Variants in NAALAD2 observed in about 807,000 individuals in gnomAD.
NAALAD2 encodes the protein N-acetylated alpha-linked acidic dipeptidase 2.
Under a neutral mutation model 95.6 loss-of-function variants are expected in NAALAD2, and 89 were observed. That is an observed-to-expected ratio of 0.93 (90% CI 0.78 to 1.11). The LOEUF (loss-of-function observed/expected upper bound fraction) is 1.11. Ranked by LOEUF, NAALAD2 falls within the 50% of genes least tolerant of loss-of-function variation. The probability of loss-of-function intolerance (pLI) is 0.00; values close to 1 mark genes in which losing one functional copy is unlikely to be tolerated. For synonymous variants in NAALAD2, 264 were observed against 294.4 expected (o/e 0.90, Z 1.06); for missense variants, 894 against 872.4 (o/e 1.02, Z -0.31).
chr11:90,177,023 TTAGA>T (rs1446777540), intron 15 of NAALAD2, among the ~76,000 whole-genome samples: 2 of 152,112 alleles, frequency 1.3e-5, no homozygotes, highest in Admixed American at 6.5e-5. Flanking sequence ...AAGCAGATAA[TTAGA>T]TAGAAGGAGA....
intron 18 of NAALAD2, among the ~76,000 whole-genome samples, chr11:90,191,340 C>CAT (rs1857319535): frequency 6.7e-6 from 1 of 150,096 alleles, no homozygotes; most frequent in Non-Finnish European, 1.5e-5. Flanking sequence ...GGGTTCGCAA[C>CAT]ATGGTATATG....
chr11:90,147,362 C>A lies in NAALAD2; in HGVS notation c.227C>A (p.Thr76Lys). ...SFTKLPHLAG[T>K]EQNFLLAKKI... ...ACAAAGCTTCCTCATCTGGCAGGAA[C>A]AGAACAAAATTTCTTGCTTGCCAAG... Residue 76 changes from threonine to lysine, a missense_variant, in exon 3 of 19, where the codon ACA (threonine) becomes AAA (lysine). Physicochemically the swap from Thr to Lys is moderately conservative, Grantham distance 78 (BLOSUM62 -1). Transcript: ENST00000534061. The A allele has an allele frequency of 6.2e-7, 1 of 1,613,818 alleles. No homozygotes were observed. Among genetic ancestry groups the A allele is most frequent in the Non-Finnish European group, 8.5e-7 (1 of 1,179,922 alleles).
chr11:90,157,577 TA>T (rs1952152709), intron 6 of NAALAD2, among the ~76,000 whole-genome samples: 1 of 152,218 alleles, frequency 6.6e-6, no homozygotes, highest in Non-Finnish European at 1.5e-5. Flanking sequence ...CTTGAGGAAA[TA>T]AAATATTCTT....
chr11:90,147,261 AG>A (rs1356699735), intron 2 of NAALAD2, 68 bp from the exon 3 acceptor site: 3 of 1,229,784 alleles, frequency 2.4e-6, no homozygotes, highest in Admixed American at 2.0e-5. Context: ...TAGTGCATTT[AG>A]AATAGTTCTT....
intron 2 of NAALAD2, among the ~76,000 whole-genome samples, chr11:90,137,803 T>C (rs192050173): frequency 6.6e-6 from 1 of 151,884 alleles, no homozygotes. Context: ...ATTTATTTTG[T>C]TGTTGTTGTT....
chr11:90,138,553 G>GT (rs1462761867), intron 2 of NAALAD2, among the ~76,000 whole-genome samples: 1 of 152,038 alleles, frequency 6.6e-6, no homozygotes, highest in African/African-American at 2.4e-5. Context: ...CTGCCAGATT[G>GT]TCTAATATCA....
Position 90,187,243 on chromosome 11 carries a change from C to G in NAALAD2, c.2033+4235C>G, listed in dbSNP as rs571021999. On this transcript the variant is annotated intron_variant, in intron 18 of 18. Transcript: ENST00000534061. ...TTGGTGGGACTGTAAACTAGTTCAA[C>G]CATTGTGGAAGTCAGTGTGGCGATT... 4.1e-3 allele frequency among the ~76,000 whole-genome samples: 630 copies of G among 151,918 alleles called. 3 individuals carry two copies. Among genetic ancestry groups the G allele is most frequent in the Non-Finnish European group, 7.2e-3 (492 of 67,954 alleles).
chr11:90,163,708 T>G (rs1372843630), intron 11 of NAALAD2, 91 bp downstream of exon 11: 3 of 1,142,094 alleles, frequency 2.6e-6, no homozygotes, highest in Non-Finnish European at 3.9e-6. Context: ...TATATTCCAT[T>G]ACCTAATATG....
intron 13 of NAALAD2, 36 bp downstream of exon 13, chr11:90,170,172 T>C (rs529276776): frequency 8.2e-7 from 1 of 1,215,312 alleles, no homozygotes; most frequent in Non-Finnish European, 1.2e-6. Context: ...TGTTCTCTTT[T>C]GAATGGATAA....
chr11:90,147,436 G>A lies in NAALAD2; in HGVS notation c.301G>A (p.Val101Ile), dbSNP rs11018879. ...KKFGLDSAKL[V>I]HYDVLLSYPN... Reference sequence around the variant, plus strand: ...ATTTGGACTAGATTCAGCCAAGTTGGTTCATTATGATGTCCTCTTATCTTA... The same window carrying A: ...ATTTGGACTAGATTCAGCCAAGTTGATTCATTATGATGTCCTCTTATCTTA... The change falls in exon 3 of 19, where the codon GTT becomes ATT. Residue 101 changes from valine to isoleucine, a missense_variant. Coordinates refer to ENST00000534061, the MANE Select transcript of NAALAD2 (RefSeq NM_005467.4). 0.038 allele frequency: 60,772 copies of A among 1,613,676 alleles called. 1,309 individuals are homozygous for A. Among genetic ancestry groups the A allele is most frequent in the Admixed American group, 0.055 (3,319 of 59,984 alleles).
chr11:90,182,121 G>C (rs1251033796), intron 17 of NAALAD2, among the ~76,000 whole-genome samples: 1 of 152,030 alleles, frequency 6.6e-6, no homozygotes, highest in African/African-American at 2.4e-5. Flanking sequence ...TATTTTACTA[G>C]TTCTTTGTTC....
At chr11:90,139,784 A>T (rs1951557941) in intron 2 of NAALAD2, among the ~76,000 whole-genome samples, 1 of 152,144 alleles carries the variant, frequency 6.6e-6, no homozygotes, top group Non-Finnish European at 1.5e-5. Context: ...CAAGAAAAAA[A>T]GGTAATTTGC....
intron 18 of NAALAD2, among the ~76,000 whole-genome samples, chr11:90,185,565 G>A (rs1265375847): frequency 6.6e-6 from 1 of 151,988 alleles, no homozygotes; most frequent in Non-Finnish European, 1.5e-5. Flanking sequence ...TACTTGGGAG[G>A]GTAAGGCAGG....
chr11:90,147,203 T>C (rs1466354966), intron 2 of NAALAD2, 127 bp from the exon 3 acceptor site: 7 of 712,254 alleles, frequency 9.8e-6, no homozygotes, highest in Middle Eastern at 3.9e-4. Context: ...TAGCTGTGTT[T>C]CTTTTATCTG....
chr11:90,150,611 C>A lies in NAALAD2; in HGVS notation c.609+4C>A. 1 of 1,578,644 alleles carries A rather than the reference C, an allele frequency of 6.3e-7. No homozygotes were observed. The highest frequency in any genetic ancestry group is 8.7e-7 in the Non-Finnish European group (1 of 1,151,900). ...AAAAATCTTCAGAGGAAATAAAGTA[C>A]AGTATTATTTGTTTTTCTACAGAGA... On this transcript the variant is annotated splice_donor_region_variant and intron_variant, in intron 5 of 18. Transcript: ENST00000534061.
chr11:90,169,885 T>G (rs2134947221), intron 12 of NAALAD2, among the ~76,000 whole-genome samples, 184 bp from the exon 13 acceptor site: 1 of 152,264 alleles, frequency 6.6e-6, no homozygotes, highest in Non-Finnish European at 1.5e-5. Context: ...CTATTCAGAA[T>G]ATTTGGTGCA....
rs775929591 is a variant in NAALAD2, at chr11:90,152,327, A to C, written c.639A>C (p.Ile213=). The C allele has an allele frequency of 6.2e-7, 1 of 1,608,038 alleles. No homozygotes were observed. Among genetic ancestry groups the C allele is most frequent in the African/African-American group, 1.3e-5 (1 of 74,876 alleles). Residue 213 remains isoleucine, a synonymous_variant, in exon 6 of 19, where the codon ATA becomes ATC. Coordinates refer to ENST00000534061, the MANE Select transcript of NAALAD2 (RefSeq NM_005467.4). ...KVKNAMLAGA[I]GIILYSDPAD... ...AAAATGCCATGTTAGCAGGAGCCAT[A>C]GGAATCATCTTGTACTCAGATCCAG...
intron 11 of NAALAD2, among the ~76,000 whole-genome samples, chr11:90,165,082 G>A (rs1478114279): frequency 6.6e-6 from 1 of 151,994 alleles, no homozygotes; most frequent in African/African-American, 2.4e-5. Context: ...TTATTTTTCT[G>A]TTTCAACATT....
intron 2 of NAALAD2, among the ~76,000 whole-genome samples, chr11:90,141,400 G>A: frequency 6.6e-6 from 1 of 152,038 alleles, no homozygotes; most frequent in Non-Finnish European, 1.5e-5. Flanking sequence ...TCTTTTATCA[G>A]CATTTTGTAA....
Sources: gnomAD v4.1 joint callset for allele counts (sites outside exome capture counted in the v4.1 genomes callset) on GRCh38, gnomAD v4.1.1 for gene constraint, MANE v1.5 for transcripts, NCBI Gene and HGNC (gene_info 2026-07-23, HGNC 2026-07-21) for gene names.